DPYSL2: variants seen among roughly 807,000 people sequenced by gnomAD.
DPYSL2 encodes the protein dihydropyrimidinase like 2.
Under a neutral mutation model 69.9 loss-of-function variants are expected in DPYSL2, and 13 were observed. The observed-to-expected ratio is 0.19, with a 90% CI of 0.12 to 0.30. The LOEUF is 0.30. DPYSL2 is among the 10% of genes least tolerant of loss of function. DPYSL2 has a pLI of 1.00. For missense variants in DPYSL2, 587 were observed against 918.9 expected, an observed-to-expected ratio of 0.64 and a Z score of 4.67; for synonymous variants, 326 against 359.1, an observed-to-expected ratio of 0.91 and a Z score of 1.04.
chr8:26,630,221 C>G (rs390323), intron 7 of DPYSL2, among the ~76,000 whole-genome samples: 6 of 152,216 alleles, frequency 3.9e-5, no homozygotes, highest in East Asian at 1.9e-4. Context: ...TTGCAGACAC[C>G]GCAAGGGTTC....
rs1802096949 is a variant in DPYSL2 at position 26,605,872 on chromosome 8, TTTAGA to T, written c.629-18267_629-18263del. 6.6e-6 allele frequency among the ~76,000 whole-genome samples: 1 copy of T among 152,190 alleles called. No individual in the cohort carries two copies. Among genetic ancestry groups the T allele is most frequent in the African/African-American group, 2.4e-5 (1 of 41,448 alleles). On this transcript the variant is annotated intron_variant, in intron 3 of 13. Coordinates refer to ENST00000521913, the MANE Select transcript of DPYSL2 (RefSeq NM_001197293.3). This position sits in a 1 kb window ranked among gnomAD's most constrained non-coding sequence, Gnocchi z 4.1. ...CCCAATACTGTAAAGAAGTGTATAC[TTTAGA>T]TTAATTTTAAAATTGAAAACCTCAA...
chr8:26,528,892 G>A (rs1169543078), intron 1 of DPYSL2, among the ~76,000 whole-genome samples: 1 of 152,094 alleles, frequency 6.6e-6, no homozygotes, highest in Non-Finnish European at 1.5e-5. Flanking sequence ...ATGGGCCCTG[G>A]AGCATAGTGG....
At chr8:26,547,801 C>T (rs1275288789) in intron 1 of DPYSL2, 7 of 365,696 alleles carry the variant, frequency 1.9e-5, no homozygotes, top group African/African-American at 1.0e-4. Flanking sequence ...TGAGGAATTC[C>T]CCTACAGATT....
At chr8:26,634,265 T>A (rs1375387044) in intron 7 of DPYSL2, among the ~76,000 whole-genome samples, 1 of 151,948 alleles carries the variant, frequency 6.6e-6, no homozygotes, top group Non-Finnish European at 1.5e-5. Flanking sequence ...GAAGGGAGTT[T>A]TCTTTTCTTT....
chr8:26,655,418 C>T (rs1333017666), intron 13 of DPYSL2, among the ~76,000 whole-genome samples, 197 bp from the exon 14 acceptor site: 2 of 152,082 alleles, frequency 1.3e-5, no homozygotes, highest in Non-Finnish European at 2.9e-5. Flanking sequence ...ATGGCTTAAG[C>T]CCAGGAGATT....
At chr8:26,601,218 C>T (rs558858019) in intron 3 of DPYSL2, among the ~76,000 whole-genome samples, 1 of 152,234 alleles carries the variant, frequency 6.6e-6, no homozygotes, top group Non-Finnish European at 1.5e-5. Context: ...GGAAATGTCG[C>T]CTACTTTACC....
At chr8:26,633,994 C>T (rs951488631) in intron 7 of DPYSL2, among the ~76,000 whole-genome samples, 1 of 152,242 alleles carries the variant, frequency 6.6e-6, no homozygotes, top group Admixed American at 6.5e-5. Context: ...GAGCCCAGCA[C>T]AAACTCCACA....
rs1801626710 is a variant in DPYSL2 at position 26,587,199 on chromosome 8, A to G, written c.628+3216A>G. 6.6e-6 allele frequency among the ~76,000 whole-genome samples: 1 copy of G among 152,242 alleles called. No individual in the cohort carries two copies. Among genetic ancestry groups the G allele is most frequent in the East Asian group, 1.9e-4 (1 of 5,200 alleles). On this transcript the variant is annotated intron_variant, in intron 3 of 13. Transcript: ENST00000521913. This position sits in a 1 kb window ranked among gnomAD's most constrained non-coding sequence, Gnocchi z 4.2. ...AAGAGAAATAGCTTAATGCCACTTC[A>G]TTGGCACCTAAGACCTGCTACTTTC...
chr8:26,642,125 C>T lies in DPYSL2; in HGVS notation c.1127-1314C>T, dbSNP rs2129966809. 6.6e-6 allele frequency among the ~76,000 whole-genome samples: 1 copy of T among 152,320 alleles called. No homozygotes were observed. Among genetic ancestry groups the T allele is most frequent in the African/African-American group, 2.4e-5 (1 of 41,574 alleles). On this transcript the variant is annotated intron_variant, in intron 8 of 13. Coordinates refer to ENST00000521913, the MANE Select transcript of DPYSL2 (RefSeq NM_001197293.3). This position sits in a 1 kb window ranked among gnomAD's most constrained non-coding sequence, Gnocchi z 5.3. ...CAGCTGACCTGGGATCAAATTCCAG[C>T]TTGGATGCCTTTAATTAATAACATA...
intron 1 of DPYSL2, among the ~76,000 whole-genome samples, chr8:26,553,637 A>T (rs1366534446): frequency 6.6e-6 from 1 of 152,132 alleles, no homozygotes; most frequent in Non-Finnish European, 1.5e-5. Flanking sequence ...GTGGTCATTT[A>T]GGTTGATTCC....
At chr8:26,556,160 G>T (rs1296322751) in intron 1 of DPYSL2, among the ~76,000 whole-genome samples, 13 of 1,702 alleles carry the variant, frequency 7.6e-3, no homozygotes, top group Admixed American at 0.019. Flanking sequence ...ACTATATATA[G>T]TATATACTAT....
At position 26,652,946 on chromosome 8, in the gene DPYSL2, G is replaced by A. The variant is rs188951947; in HGVS notation, c.1777-286G>A. 1.3e-5 allele frequency among the ~76,000 whole-genome samples: 2 copies of A among 152,318 alleles called. No homozygotes were observed. The highest frequency in any genetic ancestry group is 1.9e-4 in the East Asian group (1 of 5,190). On this transcript the variant is annotated intron_variant, in intron 12 of 13. Coordinates refer to ENST00000521913, the MANE Select transcript of DPYSL2 (RefSeq NM_001197293.3). This position sits in a 1 kb window ranked among gnomAD's most constrained non-coding sequence, Gnocchi z 6.3. ...AGATCTTGAACATGATACCAGATCC[G>A]CCTCACAGCATGCTTAGGGGATTCT...
chr8:26,551,923 C>T (rs1369914242), intron 1 of DPYSL2, among the ~76,000 whole-genome samples: 1 of 152,162 alleles, frequency 6.6e-6, no homozygotes, highest in East Asian at 1.9e-4. Flanking sequence ...AAGCAATTTT[C>T]CTGCCTCAGT....
At chr8:26,519,577 A>T (rs969486448) in intron 1 of DPYSL2, among the ~76,000 whole-genome samples, 1 of 152,288 alleles carries the variant, frequency 6.6e-6, no homozygotes, top group Non-Finnish European at 1.5e-5. Flanking sequence ...TACAGGCATT[A>T]TTTACTTTTT....
At chr8:26,556,043 G>T in intron 1 of DPYSL2, among the ~76,000 whole-genome samples, 3 of 86,822 alleles carry the variant, frequency 3.5e-5, no homozygotes, top group African/African-American at 4.5e-5. Flanking sequence ...TATATATATA[G>T]TTTATAGTAT....
In DPYSL2 at chr8:26,627,105, T is replaced by G. The variant is rs955076923; in HGVS notation, c.856-110T>G. 18 of 990,876 alleles carry G rather than the reference T, an allele frequency of 1.8e-5. No homozygotes were observed. The African/African-American group carries it at 2.7e-4, about 15-fold the overall frequency. The allele number at this position is 990,876 out of a possible 1,614,324, so 61.4% of individuals were successfully genotyped here. The stretch of plus-strand genomic sequence containing the variant: ...AAAAAGTCAGGCTAATAGAATCGCC[T>G]AGGTGTCCTGTTTCTCATCCCAGAA... On this transcript the variant is annotated intron_variant, in intron 5 of 13. Coordinates refer to ENST00000521913, the MANE Select transcript of DPYSL2 (RefSeq NM_001197293.3). The surrounding 1 kb of genome is among the most constrained non-coding windows in gnomAD (Gnocchi z 6.9).
rs367626082 is a variant in DPYSL2 at position 26,583,921 on chromosome 8, C to G, written c.566C>G (p.Thr189Arg). 2 of 1,614,006 alleles carry G rather than the reference C, an allele frequency of 1.2e-6. No homozygotes were observed. The highest frequency in any genetic ancestry group is 2.2e-5 in the East Asian group (1 of 44,880). ...TRFQMPDQGM[T>R]SADDFFQGTK... ...TTCCAGATGCCTGATCAGGGAATGA[C>G]GTCTGCTGATGATTTCTTCCAAGGA... The change falls in exon 3 of 14, where the codon ACG (threonine) becomes AGG (arginine). Residue 189 changes from threonine to arginine, a missense_variant. Physicochemically the swap from Thr to Arg is moderately conservative, Grantham distance 71. This residue lies in a region of DPYSL2 where 452 missense variants were observed against 754.3 expected (regional missense o/e 0.60). Transcript: ENST00000521913.
chr8:26,585,962 G>A lies in DPYSL2; in HGVS notation c.628+1979G>A, dbSNP rs920484582. On this transcript the variant is annotated intron_variant, in intron 3 of 13. Transcript: ENST00000521913. This position sits in a 1 kb window ranked among gnomAD's most constrained non-coding sequence, Gnocchi z 4.0. The stretch of plus-strand genomic sequence containing the variant: ...CTACTACAAATACAAAAATTAGCTA[G>A]GCATGGTGGCATGCTCCTGGAGTCC... Among the ~76,000 whole-genome samples the A allele has an allele frequency of 6.6e-6, 1 of 152,140 alleles. No individual in the cohort carries two copies. The highest frequency in any genetic ancestry group is 2.4e-5 in the African/African-American group (1 of 41,420).
Position 26,641,612 on chromosome 8 carries a change from T to G in DPYSL2, c.1127-1827T>G, listed in dbSNP as rs2129965166. On this transcript the variant is annotated intron_variant, in intron 8 of 13. Coordinates refer to ENST00000521913, the MANE Select transcript of DPYSL2 (RefSeq NM_001197293.3). This position sits in a 1 kb window ranked among gnomAD's most constrained non-coding sequence, Gnocchi z 4.1. ...GTGGTTTGTGCAGCCACCTGATAGC[T>G]CTTTGCACCAGCTTCTGCATGGGAG... Among the ~76,000 whole-genome samples the G allele has an allele frequency of 6.6e-6, 1 of 152,350 alleles. No homozygotes were observed. The highest frequency in any genetic ancestry group is 3.4e-3 in the Middle Eastern group (1 of 294).
Sources: allele counts gnomAD v4.1 joint callset (sites outside exome capture counted in the v4.1 genomes callset), GRCh38; gene constraint gnomAD v4.1.1; regional missense constraint gnomAD v4.1.1; non-coding constraint Gnocchi (gnomAD v3.1); transcripts MANE v1.5; gene names NCBI Gene and HGNC (gene_info 2026-07-23, HGNC 2026-07-21).